Variants in ENTPD7 observed in about 807,000 individuals in gnomAD.
The protein encoded by ENTPD7 is ectonucleoside triphosphate diphosphohydrolase 7.
A neutral mutation model predicts 77.9 loss-of-function variants in ENTPD7; 53 were observed. The observed-to-expected ratio is 0.68, with a 90% confidence interval of 0.55 to 0.85. ENTPD7 has a LOEUF of 0.85. ENTPD7 is among the 40% of genes least tolerant of loss of function. The pLI is 0.00. For synonymous variants in ENTPD7, 248 were observed against 274.9 expected, an observed-to-expected ratio of 0.90 and a Z score of 0.97; for missense variants, 636 against 743.7, an observed-to-expected ratio of 0.86 and a Z score of 1.68.
intron 3 of ENTPD7, among the ~76,000 whole-genome samples, chr10:99,663,156 G>A (rs777913168): frequency 1.3e-5 from 2 of 152,102 alleles, no homozygotes; most frequent in Non-Finnish European, 2.9e-5. Context: ...GCAAGTATGC[G>A]GTGATAAATT....
intron 3 of ENTPD7, among the ~76,000 whole-genome samples, chr10:99,675,661 A>G (rs550317182): frequency 3.5e-4 from 50 of 144,654 alleles, no homozygotes; most frequent in African/African-American, 1.3e-3. Flanking sequence ...CAGTGGTGCG[A>G]TCTCGGCTCA....
At chr10:99,674,458 T>G (rs2035655914) in intron 3 of ENTPD7, among the ~76,000 whole-genome samples, 1 of 152,186 alleles carries the variant, frequency 6.6e-6, no homozygotes, top group Non-Finnish European at 1.5e-5. Context: ...TAATGAACTC[T>G]CCTTTTCTCT....
intron 5 of ENTPD7, among the ~76,000 whole-genome samples, chr10:99,684,284 T>C (rs973625330): frequency 1.3e-5 from 2 of 152,232 alleles, no homozygotes; most frequent in African/African-American, 4.8e-5. Context: ...ACTCCTGACC[T>C]CAGGTTATCC....
intron 9 of ENTPD7, among the ~76,000 whole-genome samples, chr10:99,696,458 C>T (rs1487890284): frequency 3.3e-5 from 5 of 152,294 alleles, no homozygotes; most frequent in African/African-American, 1.2e-4. Context: ...GCTAGCAGTT[C>T]CTTCTGCATG....
intron 3 of ENTPD7, among the ~76,000 whole-genome samples, chr10:99,671,205 TA>T (rs946188999): frequency 1.3e-5 from 2 of 151,974 alleles, no homozygotes; most frequent in African/African-American, 4.8e-5. Context: ...AAAAATTATT[TA>T]AAAATTTTTT....
chr10:99,701,277 GACA>G (rs2036117544), intron 11 of ENTPD7, among the ~76,000 whole-genome samples: 2 of 129,058 alleles, frequency 1.5e-5, no homozygotes, highest in Non-Finnish European at 3.3e-5. Flanking sequence ...CAAGTGATTT[GACA>G]ACAAAAGTGA....
At position 99,710,938 on chromosome 10, in the gene ENTPD7, GA is replaced by G; in HGVS notation, c.*6259del. 10 of 985,330 alleles carry G rather than the reference GA, an allele frequency of 1.0e-5. No homozygotes were observed. The highest frequency in any genetic ancestry group is 1.2e-5 in the Non-Finnish European group (10 of 829,854). The allele number at this position is 985,330 out of a possible 1,614,324, so 61.0% of individuals were successfully genotyped here. On this transcript the variant is annotated 3_prime_UTR_variant, in exon 13 of 13. Transcript: ENST00000370489. ...TGGACGTAAGTGCAGAGAGACCTTT[GA>G]AAATATTAAGGGAAATCTATTTAAT...
Position 99,710,434 on chromosome 10 carries a change from C to G in ENTPD7, c.*5751C>G. The G allele has an allele frequency of 1.0e-6, 1 of 980,680 alleles. No individual in the cohort carries two copies. The highest frequency in any genetic ancestry group is 1.2e-6 in the Non-Finnish European group (1 of 828,212). 60.7% of individuals were successfully genotyped at this position (980,680 alleles called of 1,614,324 possible). ...CTCTGCGGAGTGTAGTGAAAGACAT[C>G]TTTTTATTATGATCTACACTTTAAA... On this transcript the variant is annotated 3_prime_UTR_variant, in exon 13 of 13. Transcript: ENST00000370489.
intron 5 of ENTPD7, among the ~76,000 whole-genome samples, chr10:99,680,876 C>T (rs1364236885): frequency 5.9e-5 from 9 of 152,112 alleles, no homozygotes; most frequent in African/African-American, 1.9e-4. Flanking sequence ...CATGTCTGGC[C>T]CAACAAATTT....
intron 6 of ENTPD7, among the ~76,000 whole-genome samples, chr10:99,688,343 G>C (rs2035839001): frequency 6.6e-6 from 1 of 152,120 alleles, no homozygotes; most frequent in Non-Finnish European, 1.5e-5. Context: ...ATTCTATCTA[G>C]AGTTTATATT....
intron 5 of ENTPD7, among the ~76,000 whole-genome samples, chr10:99,682,772 A>C (rs2035768819): frequency 6.6e-6 from 1 of 152,218 alleles, no homozygotes; most frequent in Non-Finnish European, 1.5e-5. Flanking sequence ...AAGAATATAG[A>C]TGACACAAGA....
At chr10:99,702,216 G>A (rs1027694008) in intron 11 of ENTPD7, among the ~76,000 whole-genome samples, 2 of 151,928 alleles carry the variant, frequency 1.3e-5, no homozygotes, top group African/African-American at 4.8e-5. Context: ...GGGTTGTTTT[G>A]AAGCTAATCC....
At chr10:99,702,354 T>C (rs1245768358) in intron 11 of ENTPD7, among the ~76,000 whole-genome samples, 158 bp from the exon 12 acceptor site, 1 of 152,166 alleles carries the variant, frequency 6.6e-6, no homozygotes, top group Admixed American at 6.5e-5. Context: ...ACAAGATAAG[T>C]AGGCTGACTT....
chr10:99,669,916 A>AT (rs1214088757), intron 3 of ENTPD7, among the ~76,000 whole-genome samples: 2 of 151,498 alleles, frequency 1.3e-5, no homozygotes, highest in Admixed American at 6.6e-5. Context: ...GGCCCAGCTA[A>AT]TTTTTTGTAT....
chr10:99,695,028 TAAAAG>T (rs1295510748), intron 8 of ENTPD7, among the ~76,000 whole-genome samples: 1 of 152,112 alleles, frequency 6.6e-6, no homozygotes, highest in Non-Finnish European at 1.5e-5. Flanking sequence ...AGTATGAAGA[TAAAAG>T]AGAATAAATA....
chr10:99,679,481 A>G lies in ENTPD7; in HGVS notation c.397+15A>G. 6.3e-7 allele frequency: 1 copy of G among 1,598,596 alleles called. No individual in the cohort carries two copies. The highest frequency in any genetic ancestry group is 8.5e-7 in the Non-Finnish European group (1 of 1,173,942). On this transcript the variant is annotated intron_variant, in intron 4 of 12. Transcript: ENST00000370489. ...AATCAAGCCAGGTACTAATCAGAAT[A>G]TATTTTGTTGTCAGTCTCTTTTAAG...
chr10:99,701,930 C>T (rs944536763), intron 11 of ENTPD7, among the ~76,000 whole-genome samples: 1 of 151,886 alleles, frequency 6.6e-6, no homozygotes, highest in Non-Finnish European at 1.5e-5. Context: ...TGCCTGTAAT[C>T]CCAGCTACTC....
At chr10:99,674,225 T>C (rs909876912) in intron 3 of ENTPD7, among the ~76,000 whole-genome samples, 3 of 152,230 alleles carry the variant, frequency 2.0e-5, no homozygotes, top group African/African-American at 7.2e-5. Flanking sequence ...CAAGAGTGTT[T>C]AGTGGCCTTT....
intron 3 of ENTPD7, among the ~76,000 whole-genome samples, chr10:99,678,858 GAT>G (rs1437323757): frequency 4.7e-5 from 7 of 148,766 alleles, no homozygotes; most frequent in African/African-American, 1.7e-4. Flanking sequence ...TATACAGAAA[GAT>G]AGAAAAGAAG....
Sources: gnomAD v4.1 joint callset for allele counts (sites outside exome capture counted in the v4.1 genomes callset) on GRCh38, gnomAD v4.1.1 for gene constraint, MANE v1.5 for transcripts, NCBI Gene and HGNC (gene_info 2026-07-23, HGNC 2026-07-21) for gene names.